Variants in NARS2 observed in about 807,000 individuals in gnomAD.
NARS2 encodes asparaginyl-tRNA synthetase 2, mitochondrial.
NARS2 carries 60 observed loss-of-function variants against 62.9 expected under a neutral mutation model. That is an observed-to-expected ratio of 0.95 (90% confidence interval 0.77 to 1.18). NARS2 has a LOEUF of 1.18. Ranked by LOEUF, NARS2 falls within the 50% of genes most tolerant of loss-of-function variation. NARS2 has a pLI of 0.00. For synonymous variants in NARS2, 196 were observed against 200.0 expected (o/e 0.98, Z 0.17); for missense variants, 619 against 576.4 (o/e 1.07, Z -0.76).
chr11:78,515,296 T>C (rs764574714), intron 6 of NARS2, among the ~76,000 whole-genome samples: 3 of 152,130 alleles, frequency 2.0e-5, no homozygotes, highest in African/African-American at 7.2e-5. Flanking sequence ...AAGCATTGGT[T>C]CTCAGCATCA....
intron 11 of NARS2, among the ~76,000 whole-genome samples, chr11:78,461,127 T>A (rs975662082): frequency 2.0e-5 from 3 of 152,142 alleles, no homozygotes; most frequent in Non-Finnish European, 2.9e-5. Flanking sequence ...CTGGAACCAA[T>A]CCCTGAGGAT....
At chr11:78,450,315 C>T (rs12280198) in intron 11 of NARS2, among the ~76,000 whole-genome samples, 53,744 of 152,042 alleles carry the variant, frequency 0.35, 12,739 homozygotes, top group African/African-American at 0.66. Context: ...GAAGAACTTA[C>T]CAAAATAGGC....
chr11:78,541,890 G>A (rs1334928767), intron 5 of NARS2, among the ~76,000 whole-genome samples: 1 of 152,106 alleles, frequency 6.6e-6, no homozygotes, highest in Non-Finnish European at 1.5e-5. Flanking sequence ...AAAAACCAAA[G>A]CCAAGGGAAA....
Position 78,568,724 on chromosome 11 carries a change from C to G in NARS2, c.280G>C (p.Val94Leu). 1 of 1,610,848 alleles carries G rather than the reference C, an allele frequency of 6.2e-7. No individual in the cohort carries two copies. The highest frequency in any genetic ancestry group is 1.1e-5 in the South Asian group (1 of 90,700). Residue 94 changes from valine to leucine, a missense_variant, in exon 3 of 14, where the codon GTA becomes CTA. By Grantham distance (32) the Val-to-Leu change is conservative. Transcript: ENST00000281038. ...GGACTTTTTATCAGCTGCCCTTGTA[C>G]TTCCACAGAACTCCCAAAATTTAAT... ...RELNFGSSVE[V>L]QGQLIKSPSK...
chr11:78,516,562 G>A (rs1860919179), intron 6 of NARS2, among the ~76,000 whole-genome samples: 1 of 152,116 alleles, frequency 6.6e-6, no homozygotes, highest in African/African-American at 2.4e-5. Flanking sequence ...ATAGGGTCAC[G>A]AAGGTTGAAA....
intron 6 of NARS2, among the ~76,000 whole-genome samples, chr11:78,512,027 C>T (rs1860740602): frequency 6.6e-6 from 1 of 152,188 alleles, no homozygotes; most frequent in Non-Finnish European, 1.5e-5. Context: ...ACAACAACAA[C>T]GTCCTTCCAA....
At chr11:78,570,439 C>T (rs1023932276) in intron 2 of NARS2, among the ~76,000 whole-genome samples, 9 of 152,168 alleles carry the variant, frequency 5.9e-5, no homozygotes, top group African/African-American at 1.9e-4. Context: ...ACAGGCTGGA[C>T]TGCAGTGGCA....
chr11:78,559,441 CAT>C, intron 5 of NARS2, 96 bp downstream of exon 5: 1 of 786,080 alleles, frequency 1.3e-6, no homozygotes. Flanking sequence ...AGGTGCTGCT[CAT>C]AGTCTTCTGT....
At chr11:78,465,361 G>C (rs957095137) in intron 11 of NARS2, among the ~76,000 whole-genome samples, 25 of 152,256 alleles carry the variant, frequency 1.6e-4, no homozygotes, top group African/African-American at 5.8e-4. Flanking sequence ...ACAGTGCAGT[G>C]GCAGGCTGAA....
At chr11:78,444,077 T>C (rs1190278323) in intron 11 of NARS2, 2 of 180,014 alleles carry the variant, frequency 1.1e-5, no homozygotes, top group African/African-American at 2.4e-5. Flanking sequence ...TCCTTTCAAA[T>C]TTTTTCCCTT....
chr11:78,484,530 A>C (rs1205706812), intron 7 of NARS2, among the ~76,000 whole-genome samples: 1 of 152,228 alleles, frequency 6.6e-6, no homozygotes, highest in South Asian at 2.1e-4. Context: ...AAGGAACTTA[A>C]ACAAATTTAC....
chr11:78,462,569 T>A (rs1419060050), intron 11 of NARS2, among the ~76,000 whole-genome samples: 1 of 152,200 alleles, frequency 6.6e-6, no homozygotes, highest in Non-Finnish European at 1.5e-5. Flanking sequence ...ACATATATTT[T>A]AAAAATACAC....
At chr11:78,570,906 G>A (rs969846795) in intron 2 of NARS2, among the ~76,000 whole-genome samples, 1 of 152,130 alleles carries the variant, frequency 6.6e-6, no homozygotes, top group Non-Finnish European at 1.5e-5. Context: ...ATGTAGGCAC[G>A]GGACACTATG....
rs554886499 is a variant in NARS2 at position 78,471,082 on chromosome 11, T to C, written c.960-1769A>G. Among the ~76,000 whole-genome samples, 6 of 152,260 alleles carry C rather than the reference T, an allele frequency of 3.9e-5. No homozygotes were observed. The South Asian group carries it at 1.2e-3, about 32-fold the overall frequency. On this transcript the variant is annotated intron_variant, in intron 9 of 13. Coordinates refer to ENST00000281038, the MANE Select transcript of NARS2 (RefSeq NM_024678.6). ...GCTATGTTTTGAAAGACAGGTTTTT[T>C]CCTAAGAATCTATTCAAATTAAAAT...
At chr11:78,439,406 A>G (rs1327841592) in intron 13 of NARS2, among the ~76,000 whole-genome samples, 1 of 152,132 alleles carries the variant, frequency 6.6e-6, no homozygotes, top group East Asian at 1.9e-4. Flanking sequence ...AAACTATAAA[A>G]TACATAAGCT....
chr11:78,529,103 T>G (rs1861394871), intron 5 of NARS2, among the ~76,000 whole-genome samples, 167 bp from the exon 6 acceptor site: 1 of 152,214 alleles, frequency 6.6e-6, no homozygotes, highest in African/African-American at 2.4e-5. Context: ...AAACGCCAGC[T>G]TGGAAAGTGC....
intron 4 of NARS2, among the ~76,000 whole-genome samples, chr11:78,563,215 A>ATTTTTT (rs71046983): frequency 8.6e-5 from 10 of 115,718 alleles, no homozygotes; most frequent in African/African-American, 2.7e-4. Context: ...AACCACTTGA[A>ATTTTTT]TTTTTTTTTT....
chr11:78,491,190 C>G (rs946892294), intron 7 of NARS2, among the ~76,000 whole-genome samples: 6 of 152,162 alleles, frequency 3.9e-5, no homozygotes, highest in African/African-American at 1.2e-4. Context: ...AGCTAATTAC[C>G]GGGGAGAAGG....
At chr11:78,515,931 AC>A (rs1175574154) in intron 6 of NARS2, among the ~76,000 whole-genome samples, 1 of 152,194 alleles carries the variant, frequency 6.6e-6, no homozygotes, top group Non-Finnish European at 1.5e-5. Context: ...TCTTACAGAA[AC>A]CCACCAGATA....
Sources: allele counts gnomAD v4.1 joint callset (sites outside exome capture counted in the v4.1 genomes callset), GRCh38; gene constraint gnomAD v4.1.1; transcripts MANE v1.5; gene names NCBI Gene and HGNC (gene_info 2026-07-23, HGNC 2026-07-21).